The following GFOD1 variants were observed in gnomAD, a reference collection of about 807,000 sequenced individuals.
GFOD1 encodes the protein glucose-fructose oxidoreductase domain-containing protein 1.
A neutral mutation model predicts 25.4 loss-of-function variants in GFOD1; 9 were observed. The ratio of observed to expected loss-of-function variants is 0.35; its 90% CI spans 0.21 to 0.62. The LOEUF (loss-of-function observed/expected upper bound fraction) is 0.62. Ranked by LOEUF, GFOD1 falls within the 20% of genes least tolerant of loss-of-function variation. The pLI is 0.72. For synonymous variants in GFOD1, 253 were observed against 245.6 expected (o/e 1.03, Z -0.28); for missense variants, 403 against 556.9 (o/e 0.72, Z 2.78).
At position 13,469,780 on chromosome 6, in the gene GFOD1, C is replaced by T; in HGVS notation, c.253+16858G>A. 5.2e-6 allele frequency: 6 copies of T among 1,144,848 alleles called. 1 individual carries two copies. Among genetic ancestry groups the T allele is most frequent in the Middle Eastern group, 4.8e-4 (2 of 4,146 alleles). 70.9% of individuals were successfully genotyped at this position (1,144,848 alleles called of 1,614,324 possible). On this transcript the variant is annotated intron_variant, in intron 1 of 1. Transcript: ENST00000379287. ...ATCAATGACACATGATATTTAACCT[C>T]TCTACAGTGAAATTTCTCACTTGTA...
At chr6:13,409,688 G>A (rs1392157789) in intron 1 of GFOD1, among the ~76,000 whole-genome samples, 3 of 152,144 alleles carry the variant, frequency 2.0e-5, no homozygotes, top group East Asian at 1.9e-4. Context: ...TTGGAAGCCC[G>A]AGATGGGCAG....
chr6:13,443,708 C>T (rs531482751), intron 1 of GFOD1, among the ~76,000 whole-genome samples: 3 of 150,636 alleles, frequency 2.0e-5, no homozygotes, highest in East Asian at 2.0e-4. Context: ...CCCAGCTACT[C>T]GGGAGGCTGA....
chr6:13,449,279 A>G (rs1198466584), intron 1 of GFOD1, among the ~76,000 whole-genome samples: 1 of 152,172 alleles, frequency 6.6e-6, no homozygotes, highest in Non-Finnish European at 1.5e-5. Context: ...TGACAGAGGG[A>G]GACCCTATCT....
At chr6:13,469,071 A>T (rs557362980) in intron 1 of GFOD1, among the ~76,000 whole-genome samples, 50 of 152,276 alleles carry the variant, frequency 3.3e-4, no homozygotes, top group Middle Eastern at 3.4e-3. Flanking sequence ...ACAATAATAA[A>T]CACACATGGG....
intron 1 of GFOD1, among the ~76,000 whole-genome samples, chr6:13,467,627 G>A (rs966113049): frequency 7.2e-5 from 11 of 152,182 alleles, no homozygotes; most frequent in African/African-American, 2.2e-4. Flanking sequence ...GCTGAATGGC[G>A]CATTTTCTTT....
intron 1 of GFOD1, among the ~76,000 whole-genome samples, chr6:13,457,066 T>TGCTGCCC (rs1427322391): frequency 1.3e-5 from 2 of 152,262 alleles, no homozygotes; most frequent in East Asian, 3.9e-4. Flanking sequence ...AAATGGGCAA[T>TGCTGCCC]GCTGCCCACA....
At chr6:13,455,442 A>G (rs938468096) in intron 1 of GFOD1, among the ~76,000 whole-genome samples, 2 of 152,156 alleles carry the variant, frequency 1.3e-5, no homozygotes, top group Admixed American at 1.3e-4. Context: ...CATTGGTTTG[A>G]ATTGAATTAT....
intron 1 of GFOD1, among the ~76,000 whole-genome samples, chr6:13,468,260 T>C (rs1166527665): frequency 6.6e-6 from 1 of 152,172 alleles, no homozygotes; most frequent in African/African-American, 2.4e-5. Context: ...GTCCTTTTTC[T>C]TTACCTAAAA....
intron 1 of GFOD1, among the ~76,000 whole-genome samples, chr6:13,480,556 C>T (rs1004911687): frequency 6.6e-6 from 1 of 152,108 alleles, no homozygotes; most frequent in Non-Finnish European, 1.5e-5. Flanking sequence ...ACTCTGTCGC[C>T]CAGACTGGAG....
At chr6:13,470,675 T>C (rs1010467692) in intron 1 of GFOD1, 47 of 1,439,704 alleles carry the variant, frequency 3.3e-5, no homozygotes, top group Non-Finnish European at 4.3e-5. Context: ...CACATCTCAT[T>C]TTCTACCACC....
chr6:13,421,228 T>C (rs1435426021), intron 1 of GFOD1, among the ~76,000 whole-genome samples: 2 of 152,194 alleles, frequency 1.3e-5, no homozygotes, highest in African/African-American at 4.8e-5. Context: ...TCGCTCATGC[T>C]TGTAATCCCA....
chr6:13,418,274 G>A (rs754993493), intron 1 of GFOD1, among the ~76,000 whole-genome samples: 1 of 152,136 alleles, frequency 6.6e-6, no homozygotes, highest in African/African-American at 2.4e-5. Flanking sequence ...AAAAATGAAG[G>A]CTGGAACTGG....
chr6:13,457,810 C>T (rs571328671), intron 1 of GFOD1, among the ~76,000 whole-genome samples: 1 of 152,180 alleles, frequency 6.6e-6, no homozygotes, highest in Non-Finnish European at 1.5e-5. Context: ...ACTGGCTTGG[C>T]TCAGTGTGCT....
intron 1 of GFOD1, among the ~76,000 whole-genome samples, chr6:13,393,368 C>CAAAAAAAAAAAAAAAAA (rs70989853): frequency 1.4e-5 from 1 of 72,490 alleles, no homozygotes; most frequent in Non-Finnish European, 2.5e-5. Flanking sequence ...AAACAACCAC[C>CAAAAAAAAAAAAAAAAA]AAAAAAAAAA....
chr6:13,409,140 A>AG (rs1554201876), intron 1 of GFOD1, among the ~76,000 whole-genome samples: 8 of 48,990 alleles, frequency 1.6e-4, no homozygotes, highest in Non-Finnish European at 4.4e-4. Context: ...AAAGAAAGAA[A>AG]GAAAGAAAGA....
chr6:13,401,732 T>C (rs1178442806), intron 1 of GFOD1, among the ~76,000 whole-genome samples: 1 of 152,164 alleles, frequency 6.6e-6, no homozygotes, highest in Non-Finnish European at 1.5e-5. Context: ...CTAATATTGA[T>C]AAGACAGTAA....
chr6:13,475,141 A>G (rs1177828499), intron 1 of GFOD1, among the ~76,000 whole-genome samples: 5 of 152,192 alleles, frequency 3.3e-5, no homozygotes, highest in Non-Finnish European at 7.3e-5. Flanking sequence ...AGATTTGAAT[A>G]GTCATTTTAT....
Position 13,362,684 on chromosome 6 carries a change from C to A in GFOD1, c.*2059G>T, listed in dbSNP as rs1317461879. 1.3e-5 allele frequency: 2 copies of A among 152,246 alleles called. No homozygotes were observed. The highest frequency in any genetic ancestry group is 4.8e-5 in the African/African-American group (2 of 41,448). The allele number at this position is 152,246 out of a possible 1,614,324, so 9.4% of individuals were successfully genotyped here. ...GCTTACCCACCCTGCAGTGCTGTAG[C>A]AAAGCCTCGGGAAGCAGGGCGACTC... On this transcript the variant is annotated 3_prime_UTR_variant, in exon 2 of 2. Transcript: ENST00000379287.
intron 1 of GFOD1, among the ~76,000 whole-genome samples, chr6:13,414,061 G>T (rs1207423452): frequency 6.6e-6 from 1 of 152,212 alleles, no homozygotes; most frequent in East Asian, 1.9e-4. Context: ...ATAAGGGCTT[G>T]CTCACACCAA....
Sources: allele counts gnomAD v4.1 joint callset (sites outside exome capture counted in the v4.1 genomes callset), GRCh38; gene constraint gnomAD v4.1.1; transcripts MANE v1.5; gene names NCBI Gene and HGNC (gene_info 2026-07-23, HGNC 2026-07-21).